Variants in PLCB1 observed in about 807,000 individuals in gnomAD.
PLCB1 encodes phospholipase C beta 1, also known as 1-phosphatidylinositol 4,5-bisphosphate phosphodiesterase beta-1.
Under a neutral mutation model 161.8 loss-of-function variants are expected in PLCB1, and 46 were observed. The observed-to-expected ratio is 0.28, with a 90% CI of 0.22 to 0.36. The LOEUF is 0.36. PLCB1 is among the 10% of genes least tolerant of loss of function. The probability of loss-of-function intolerance (pLI) is 1.00; values close to 1 mark genes in which losing one functional copy is unlikely to be tolerated. For missense variants in PLCB1, 1,016 were observed against 1,472.5 expected (o/e 0.69, Z 5.07); for synonymous variants, 517 against 503.7 (o/e 1.03, Z -0.35).
chr20:8,238,921 A>G (rs1459776282), intron 2 of PLCB1, among the ~76,000 whole-genome samples: 3 of 151,836 alleles, frequency 2.0e-5, no homozygotes, highest in African/African-American at 7.3e-5. Context: ...GGAGGAATGG[A>G]AGACTATGGA....
Position 8,660,298 on chromosome 20 carries a change from A to G in PLCB1, c.862+1594A>G, listed in dbSNP as rs575374340. The stretch of plus-strand genomic sequence containing the variant: ...ACAAGAGATGAGATTTCCCCTTATC[A>G]TGAAGCAGGGAACATCTTGGAGGTT... On this transcript the variant is annotated intron_variant, in intron 9 of 31. Transcript: ENST00000338037. Among the ~76,000 whole-genome samples the G allele has an allele frequency of 2.6e-5, 4 of 152,216 alleles. No homozygotes were observed. The East Asian group carries it at 7.7e-4, about 29-fold the overall frequency.
At chr20:8,213,884 G>T (rs540569321) in intron 2 of PLCB1, among the ~76,000 whole-genome samples, 2 of 151,880 alleles carry the variant, frequency 1.3e-5, no homozygotes, top group South Asian at 2.1e-4. Context: ...CCAGTAATGC[G>T]GTTACTTTCC....
At chr20:8,480,018 A>T (rs1354919653) in intron 3 of PLCB1, among the ~76,000 whole-genome samples, 1 of 152,212 alleles carries the variant, frequency 6.6e-6, no homozygotes, top group African/African-American at 2.4e-5. Flanking sequence ...AGGTTTTCTC[A>T]GTAGTGGGAC....
intron 2 of PLCB1, among the ~76,000 whole-genome samples, chr20:8,264,573 G>C (rs1027581045): frequency 1.3e-5 from 2 of 152,028 alleles, no homozygotes; most frequent in African/African-American, 4.8e-5. Context: ...TACCATAAAC[G>C]CATGAGTGAT....
intron 2 of PLCB1, among the ~76,000 whole-genome samples, chr20:8,344,126 A>T (rs1985909356): frequency 6.6e-6 from 1 of 152,040 alleles, no homozygotes; most frequent in South Asian, 2.1e-4. Context: ...AGATGCAAGG[A>T]TTATTTGTTG....
chr20:8,143,560 T>C (rs1466530303), intron 1 of PLCB1, among the ~76,000 whole-genome samples: 2 of 152,132 alleles, frequency 1.3e-5, no homozygotes, highest in Non-Finnish European at 2.9e-5. Flanking sequence ...ATAACTGCTA[T>C]GAAGGAAAAA....
chr20:8,753,547 A>AG (rs1483308260), intron 23 of PLCB1, among the ~76,000 whole-genome samples: 1 of 151,974 alleles, frequency 6.6e-6, no homozygotes, highest in Non-Finnish European at 1.5e-5. Context: ...TGGGGCGAGA[A>AG]GGTAAGAAGC....
intron 2 of PLCB1, chr20:8,257,022 A>C (rs1008765645): frequency 2.0e-5 from 3 of 152,164 alleles, no homozygotes; most frequent in African/African-American, 7.2e-5. Flanking sequence ...GGAACTGTAA[A>C]TCAAACCAAA....
intron 2 of PLCB1, among the ~76,000 whole-genome samples, chr20:8,181,213 C>T (rs1489875179): frequency 1.4e-5 from 2 of 140,916 alleles, no homozygotes; most frequent in Non-Finnish European, 3.0e-5. Context: ...CATGCCACTG[C>T]ACTCCAGCCT....
intron 27 of PLCB1, among the ~76,000 whole-genome samples, chr20:8,783,576 T>G (rs1983340495): frequency 6.6e-6 from 1 of 152,222 alleles, no homozygotes; most frequent in African/African-American, 2.4e-5. Context: ...CTTATTCTTT[T>G]GATTGCAAGC....
At chr20:8,601,125 C>G (rs1394340112) in intron 3 of PLCB1, among the ~76,000 whole-genome samples, 1 of 152,126 alleles carries the variant, frequency 6.6e-6, no homozygotes, top group African/African-American at 2.4e-5. Context: ...TGGCTCCTCC[C>G]CCTGTCTATA....
At chr20:8,244,644 A>G in intron 2 of PLCB1, among the ~76,000 whole-genome samples, 1 of 151,888 alleles carries the variant, frequency 6.6e-6, no homozygotes, top group East Asian at 1.9e-4. Flanking sequence ...TGGTGCTTTC[A>G]TGAGTGTGTA....
intron 31 of PLCB1, among the ~76,000 whole-genome samples, chr20:8,852,296 G>T (rs946201585): frequency 5.3e-5 from 8 of 152,212 alleles, no homozygotes; most frequent in African/African-American, 1.7e-4. Context: ...GAAAATTGCT[G>T]TGTTACAAAG....
intron 27 of PLCB1, among the ~76,000 whole-genome samples, chr20:8,782,507 C>G (rs1983290537): frequency 6.6e-6 from 1 of 152,120 alleles, no homozygotes; most frequent in Admixed American, 6.6e-5. Flanking sequence ...GTCCTCCTAC[C>G]TCAGCCTCCC....
intron 2 of PLCB1, among the ~76,000 whole-genome samples, chr20:8,347,194 G>T (rs755504397): frequency 6.6e-6 from 1 of 152,172 alleles, no homozygotes; most frequent in African/African-American, 2.4e-5. Context: ...TTTACCTTGG[G>T]AATTACCTCT....
intron 14 of PLCB1, among the ~76,000 whole-genome samples, chr20:8,719,073 T>A (rs773705992): frequency 5.3e-5 from 8 of 152,230 alleles, no homozygotes; most frequent in Non-Finnish European, 8.8e-5. Context: ...TGGGATTATT[T>A]GTCATTTAGT....
At chr20:8,208,435 C>T (rs1303682013) in intron 2 of PLCB1, among the ~76,000 whole-genome samples, 1 of 152,098 alleles carries the variant, frequency 6.6e-6, no homozygotes, top group Non-Finnish European at 1.5e-5. Context: ...TCCCATACAT[C>T]AATAAACCAT....
intron 9 of PLCB1, 75 bp from the exon 10 acceptor site, chr20:8,684,857 A>C (rs1441097950): frequency 1.5e-6 from 1 of 647,898 alleles, no homozygotes; most frequent in African/African-American, 2.4e-5. Flanking sequence ...TATTTCTGGA[A>C]AAAAAAAAAA....
intron 2 of PLCB1, among the ~76,000 whole-genome samples, chr20:8,244,875 A>G (rs925960165): frequency 1.3e-5 from 2 of 152,004 alleles, no homozygotes; most frequent in South Asian, 2.1e-4. Context: ...GGAAGTATCC[A>G]GGCAAATACA....
Sources: allele counts gnomAD v4.1 joint callset (sites outside exome capture counted in the v4.1 genomes callset), GRCh38; gene constraint gnomAD v4.1.1; transcripts MANE v1.5; gene names NCBI Gene and HGNC (gene_info 2026-07-23, HGNC 2026-07-21).